Variants in SLC35D3 observed in about 807,000 individuals in gnomAD.
SLC35D3 encodes solute carrier family 35 member D3, also known as frc, fringe-like 1.
A neutral mutation model predicts 20.3 loss-of-function variants in SLC35D3; 18 were observed. That is an observed-to-expected ratio of 0.89 (90% CI 0.61 to 1.32). SLC35D3 has a LOEUF of 1.32. SLC35D3 is among the 40% of genes most tolerant of loss of function. The pLI is 0.00. For missense variants in SLC35D3, 556 were observed against 565.5 expected, an observed-to-expected ratio of 0.98 and a Z score of 0.17; for synonymous variants, 313 against 263.5, an observed-to-expected ratio of 1.19 and a Z score of -1.82.
rs1167978 is a variant in SLC35D3 at position 136,922,499 on chromosome 6, C to T, written c.71C>T (p.Ser24Phe). Residue 24 changes from serine (S) to phenylalanine (F), a missense_variant, in exon 1 of 2, where the codon TCC becomes TTC. Ser to Phe is a radical substitution (Grantham distance 155). Coordinates refer to ENST00000331858, the MANE Select transcript of SLC35D3 (RefSeq NM_001008783.3). The surrounding 1 kb of genome is among the most constrained non-coding windows in gnomAD (Gnocchi z 6.8). The part of the protein sequence containing the change: ...VAIAHGVFSG[S>F]LNILLKFLIS... Reference sequence around the variant, plus strand: ...ATCGCGCACGGGGTCTTCTCGGGCTCCCTCAACATCTTGCTCAAGTTCCTC... The same window carrying T: ...ATCGCGCACGGGGTCTTCTCGGGCTTCCTCAACATCTTGCTCAAGTTCCTC... 3 of 1,611,284 alleles carry T rather than the reference C, an allele frequency of 1.9e-6. No individual in the cohort carries two copies. The East Asian group carries it at 6.7e-5, about 36-fold the overall frequency.
chr6:136,922,459 G>A lies in SLC35D3; in HGVS notation c.31G>A (p.Gly11Ser). ...GCAGCTGTGCCGGGGCCGCGTGCTGGGCATCTCGGTGGCCATCGCGCACGG... is the reference window on the plus strand; with the variant it reads ...GCAGCTGTGCCGGGGCCGCGTGCTGAGCATCTCGGTGGCCATCGCGCACGG... MRQLCRGRVLGISVAIAHGVF... is the reference protein window; with the variant it reads MRQLCRGRVLSISVAIAHGVF... The change falls in exon 1 of 2, where the codon GGC becomes AGC. Residue 11 changes from glycine (G) to serine (S), a missense_variant. By Grantham distance (56) the Gly-to-Ser change is moderately conservative (BLOSUM62 0). Transcript: ENST00000331858. The surrounding 1 kb of genome is among the most constrained non-coding windows in gnomAD (Gnocchi z 6.8). 4 of 1,602,638 alleles carry A rather than the reference G, an allele frequency of 2.5e-6. No individual in the cohort carries two copies. The highest frequency in any genetic ancestry group is 3.4e-6 in the Non-Finnish European group (4 of 1,176,268).
rs1776112971 is a variant in SLC35D3, at chr6:136,924,826, A to G, written c.*130A>G. On this transcript the variant is annotated 3_prime_UTR_variant, in exon 2 of 2. Transcript: ENST00000331858. The stretch of plus-strand genomic sequence containing the variant: ...AAGGGAAGAAAAGAAAGAAGCTGAA[A>G]GGTACTGACACAGAGCAACAAAATT... 1 of 974,210 alleles carries G rather than the reference A, an allele frequency of 1.0e-6. No homozygotes were observed. Among genetic ancestry groups the G allele is most frequent in the Non-Finnish European group, 1.5e-6 (1 of 681,654 alleles). 60.3% of individuals were successfully genotyped at this position (974,210 alleles called of 1,614,324 possible).
chr6:136,923,851 G>C lies in SLC35D3; in HGVS notation c.440-34G>C. The C allele has an allele frequency of 6.8e-7, 1 of 1,469,152 alleles. No homozygotes were observed. The highest frequency in any genetic ancestry group is 9.0e-7 in the Non-Finnish European group (1 of 1,111,352). The allele number at this position is 1,469,152 out of a possible 1,614,324, so 91.0% of individuals were successfully genotyped here. A position where few individuals can be genotyped will look rare whatever the true frequency, so the allele number is the denominator to read the frequency against. ...GCTGTCTTCTCTCTTTTTCCTTCCC[G>C]CCCGGGCTCGGCCGTCCTCCTCGTG... On this transcript the variant is annotated intron_variant, in intron 1 of 1. Transcript: ENST00000331858. This position sits in a 1 kb window ranked among gnomAD's most constrained non-coding sequence, Gnocchi z 6.2.
In SLC35D3 at chr6:136,922,877, C is replaced by T; in HGVS notation, c.439+10C>T. 2 of 1,518,930 alleles carry T rather than the reference C, an allele frequency of 1.3e-6. No homozygotes were observed. Among genetic ancestry groups the T allele is most frequent in the Non-Finnish European group, 8.8e-7 (1 of 1,138,998 alleles). The allele number at this position is 1,518,930 out of a possible 1,614,324, so 94.1% of individuals were successfully genotyped here. On this transcript the variant is annotated intron_variant, in intron 1 of 1. Transcript: ENST00000331858. The surrounding 1 kb of genome is among the most constrained non-coding windows in gnomAD (Gnocchi z 6.8). ...GGCGCCGCCCTGGCAGGTGAGCGGGCCCCCGCGCCGACCCCCAGCCGACCC... is the reference window on the plus strand; with the variant it reads ...GGCGCCGCCCTGGCAGGTGAGCGGGTCCCCGCGCCGACCCCCAGCCGACCC...
rs749810141 is a variant in SLC35D3, at chr6:136,924,085, G to A, written c.640G>A (p.Ala214Thr). The change falls in exon 2 of 2, where the codon GCC (alanine) becomes ACC (threonine). Residue 214 changes from alanine (A) to threonine (T), a missense_variant. Physicochemically the swap from Ala to Thr is moderately conservative, Grantham distance 58. Transcript: ENST00000331858. ...CTTCGCCAGCACCGACTCCATCCACGCCTGGACCTTCCCGGGCTGGAAGGA... is the reference window on the plus strand; with the variant it reads ...CTTCGCCAGCACCGACTCCATCCACACCTGGACCTTCCCGGGCTGGAAGGA... The part of the protein sequence containing the change: ...CSFASTDSIH[A>T]WTFPGWKDPA... 3.7e-6 allele frequency: 6 copies of A among 1,612,026 alleles called. No homozygotes were observed. Among genetic ancestry groups the A allele is most frequent in the East Asian group, 2.2e-5 (1 of 44,844 alleles).
chr6:136,923,962 G>C lies in SLC35D3; in HGVS notation c.517G>C (p.Val173Leu). 1 of 1,567,952 alleles carries C rather than the reference G, an allele frequency of 6.4e-7. No homozygotes were observed. Among genetic ancestry groups the C allele is most frequent in the East Asian group, 2.4e-5 (1 of 42,478 alleles). ...GGTGCTGGTGCACGCTGCCTACCTGGTGCTCATCCAGAAGGCCAGCGCAGA... is the reference window on the plus strand; with the variant it reads ...GGTGCTGGTGCACGCTGCCTACCTGCTGCTCATCCAGAAGGCCAGCGCAGA... ...LAVLVHAAYLVLIQKASADTE... is the reference protein window; with the variant it reads ...LAVLVHAAYLLLIQKASADTE... Residue 173 changes from valine (V) to leucine (L), a missense_variant, in exon 2 of 2, where the codon GTG (valine) becomes CTG (leucine). Transcript: ENST00000331858. The surrounding 1 kb of genome is among the most constrained non-coding windows in gnomAD (Gnocchi z 6.2).
At position 136,924,588 on chromosome 6, in the gene SLC35D3, C is replaced by CAGG. The variant is rs1562766480; in HGVS notation, c.1147_1149dup (p.Arg383dup). ...TGGCTGGGAGCTCTGAAGAAGGGAG[C>CAGG]AGGAGGTCGTTAAAAGATGCTTACC... On this transcript the variant is annotated inframe_insertion, in exon 2 of 2. Transcript: ENST00000331858. 9 of 1,613,790 alleles carry CAGG rather than the reference C, an allele frequency of 5.6e-6. No individual in the cohort carries two copies. Among genetic ancestry groups the CAGG allele is most frequent in the Non-Finnish European group, 5.1e-6 (6 of 1,179,998 alleles).
Position 136,924,403 on chromosome 6 carries a change from G to C in SLC35D3, c.958G>C (p.Gly320Arg). 1 of 1,614,092 alleles carries C rather than the reference G, an allele frequency of 6.2e-7. No homozygotes were observed. The highest frequency in any genetic ancestry group is 8.5e-7 in the Non-Finnish European group (1 of 1,180,006). Residue 320 changes from glycine (G) to arginine (R), a missense_variant, in exon 2 of 2, where the codon GGA becomes CGA. Physicochemically the swap from Gly to Arg is moderately radical, Grantham distance 125. Transcript: ENST00000331858. ...NYEDLEAQPR[G>R]EEAQLSGDQL... ...CGAGGACCTGGAGGCCCAGCCTCGG[G>C]GAGAGGAGGCGCAGCTAAGTGGAGA...
Position 136,924,072 on chromosome 6 carries a change from C to A in SLC35D3, c.627C>A (p.Thr209=), listed in dbSNP as rs758135489. 14 of 1,611,362 alleles carry A rather than the reference C, an allele frequency of 8.7e-6. No homozygotes were observed. In the South Asian group the frequency reaches 1.2e-4, roughly 14 times the overall value. Residue 209 remains threonine, a synonymous_variant, in exon 2 of 2, where the codon ACC becomes ACA. Coordinates refer to ENST00000331858, the MANE Select transcript of SLC35D3 (RefSeq NM_001008783.3). ...PLLVICSFAS[T]DSIHAWTFPG... The stretch of plus-strand genomic sequence containing the variant: ...TGGTCATCTGCTCCTTCGCCAGCAC[C>A]GACTCCATCCACGCCTGGACCTTCC...
At position 136,924,038 on chromosome 6, in the gene SLC35D3, C is replaced by T; in HGVS notation, c.593C>T (p.Thr198Ile). ...CAGTACGTCATCGCCGTCTCTGCCA[C>T]CCCGCTGCTGGTCATCTGCTCCTTC... ...TAQYVIAVSA[T>I]PLLVICSFAS... is the part of the protein sequence containing the mutation. The change falls in exon 2 of 2, where the codon ACC (threonine) becomes ATC (isoleucine). Residue 198 changes from threonine to isoleucine, a missense_variant. Transcript: ENST00000331858. 6.2e-7 allele frequency: 1 copy of T among 1,606,986 alleles called. No individual in the cohort carries two copies. Among genetic ancestry groups the T allele is most frequent in the Non-Finnish European group, 8.5e-7 (1 of 1,178,518 alleles).
rs757067312 is a variant in SLC35D3 at position 136,924,049 on chromosome 6, G to C, written c.604G>C (p.Val202Leu). 6.2e-7 allele frequency: 1 copy of C among 1,609,126 alleles called. No individual in the cohort carries two copies. The highest frequency in any genetic ancestry group is 8.5e-7 in the Non-Finnish European group (1 of 1,179,016). ...CGCCGTCTCTGCCACCCCGCTGCTG[G>C]TCATCTGCTCCTTCGCCAGCACCGA... Reference protein sequence around the residue: ...VIAVSATPLLVICSFASTDSI... With the variant: ...VIAVSATPLLLICSFASTDSI... The change falls in exon 2 of 2, where the codon GTC becomes CTC. Residue 202 changes from valine (V) to leucine (L), a missense_variant. Transcript: ENST00000331858.
In SLC35D3 at chr6:136,922,425, C is replaced by T. The variant is rs1399918394; in HGVS notation, c.-4C>T. On this transcript the variant is annotated 5_prime_UTR_variant, in exon 1 of 2. Transcript: ENST00000331858. This position sits in a 1 kb window ranked among gnomAD's most constrained non-coding sequence, Gnocchi z 6.8. Reference sequence around the variant, plus strand: ...CCACCGCTGGGTGCGGCGAGGCCGGCGCGATGCGGCAGCTGTGCCGGGGCC... The same window carrying T: ...CCACCGCTGGGTGCGGCGAGGCCGGTGCGATGCGGCAGCTGTGCCGGGGCC... 1.3e-6 allele frequency: 2 copies of T among 1,539,704 alleles called. No homozygotes were observed. The highest frequency in any genetic ancestry group is 1.2e-5 in the South Asian group (1 of 82,594).
At position 136,924,160 on chromosome 6, in the gene SLC35D3, A is replaced by G. The variant is rs1357837003; in HGVS notation, c.715A>G (p.Met239Val). ...FVACILIGCA[M>V]NFTTLHCTYI... The stretch of plus-strand genomic sequence containing the variant: ...GGCCTGCATCCTGATCGGCTGCGCC[A>G]TGAACTTCACCACGCTGCACTGCAC... The change falls in exon 2 of 2, where the codon ATG becomes GTG. Residue 239 changes from methionine (M) to valine (V), a missense_variant. Physicochemically the swap from Met to Val is conservative, Grantham distance 21 (BLOSUM62 1). Transcript: ENST00000331858. The G allele has an allele frequency of 1.2e-6, 2 of 1,612,874 alleles. No homozygotes were observed. Among genetic ancestry groups the G allele is most frequent in the Non-Finnish European group, 1.7e-6 (2 of 1,180,044 alleles).
Position 136,923,855 on chromosome 6 carries a change from G to C in SLC35D3, c.440-30G>C. The C allele has an allele frequency of 6.8e-7, 1 of 1,478,676 alleles. No individual in the cohort carries two copies. The highest frequency in any genetic ancestry group is 1.3e-5 in the South Asian group (1 of 75,624). 91.6% of individuals were successfully genotyped at this position (1,478,676 alleles called of 1,614,324 possible). On this transcript the variant is annotated intron_variant, in intron 1 of 1. Coordinates refer to ENST00000331858, the MANE Select transcript of SLC35D3 (RefSeq NM_001008783.3). The surrounding 1 kb of genome is among the most constrained non-coding windows in gnomAD (Gnocchi z 6.2). ...TCTTCTCTCTTTTTCCTTCCCGCCCGGGCTCGGCCGTCCTCCTCGTGCGCC... is the reference window on the plus strand; with the variant it reads ...TCTTCTCTCTTTTTCCTTCCCGCCCCGGCTCGGCCGTCCTCCTCGTGCGCC...
Position 136,924,480 on chromosome 6 carries a change from G to T in SLC35D3, c.1035G>T (p.Arg345=). The stretch of plus-strand genomic sequence containing the variant: ...TGCCCGGGGAGGGAGGAAATGGCCG[G>T]TCAGAAGGTGGGGAGGCAGCAGGTG... ...EELPGEGGNG[R]SEGGEAAGGP... is the part of the protein sequence containing the mutation. The change falls in exon 2 of 2, where the codon CGG becomes CGT. Residue 345 remains arginine (R), a synonymous_variant. Transcript: ENST00000331858. 6.2e-7 allele frequency: 1 copy of T among 1,613,670 alleles called. No individual in the cohort carries two copies. The highest frequency in any genetic ancestry group is 8.5e-7 in the Non-Finnish European group (1 of 1,179,862).
Position 136,924,022 on chromosome 6 carries a change from A to G in SLC35D3, c.577A>G (p.Ile193Val). The G allele has an allele frequency of 6.2e-7, 1 of 1,602,832 alleles. No individual in the cohort carries two copies. Among genetic ancestry groups the G allele is most frequent in the African/African-American group, 1.3e-5 (1 of 74,732 alleles). Residue 193 changes from isoleucine (I) to valine (V), a missense_variant, in exon 2 of 2, where the codon ATC (isoleucine) becomes GTC (valine). Coordinates refer to ENST00000331858, the MANE Select transcript of SLC35D3 (RefSeq NM_001008783.3). ...EHGPLTAQYV[I>V]AVSATPLLVI... ...CGGGCCGCTCACCGCGCAGTACGTCATCGCCGTCTCTGCCACCCCGCTGCT... is the reference window on the plus strand; with the variant it reads ...CGGGCCGCTCACCGCGCAGTACGTCGTCGCCGTCTCTGCCACCCCGCTGCT...
In SLC35D3 at chr6:136,922,306, G is replaced by T; in HGVS notation, c.-123G>T. 1 of 818,872 alleles carries T rather than the reference G, an allele frequency of 1.2e-6. No homozygotes were observed. The highest frequency in any genetic ancestry group is 1.8e-5 in the African/African-American group (1 of 55,150). 50.7% of individuals were successfully genotyped at this position (818,872 alleles called of 1,614,324 possible). A position where few individuals can be genotyped will look rare whatever the true frequency, so the allele number is the denominator to read the frequency against. ...GGAGCTGCCCTCTGCAGCCGAGCCG[G>T]CGCCCCCTGCCCTTCGCCGCCGCGC... On this transcript the variant is annotated 5_prime_UTR_variant, in exon 1 of 2. Transcript: ENST00000331858. The surrounding 1 kb of genome is among the most constrained non-coding windows in gnomAD (Gnocchi z 6.8).
rs1776089507 is a variant in SLC35D3, at chr6:136,923,490, C to A, written c.440-395C>A. Among the ~76,000 whole-genome samples the A allele has an allele frequency of 6.6e-6, 1 of 152,188 alleles. No homozygotes were observed. Among genetic ancestry groups the A allele is most frequent in the Admixed American group, 6.5e-5 (1 of 15,292 alleles). On this transcript the variant is annotated intron_variant, in intron 1 of 1. Coordinates refer to ENST00000331858, the MANE Select transcript of SLC35D3 (RefSeq NM_001008783.3). The surrounding 1 kb of genome is among the most constrained non-coding windows in gnomAD (Gnocchi z 6.2). ...GGGTTGCAGGCCACTGGCTGGGGCT[C>A]CCTCTCCCTTTGGTGCCCCACGGGG...
Position 136,922,806 on chromosome 6 carries a change from C to A in SLC35D3, c.378C>A (p.Gly126=). Residue 126 remains glycine, a synonymous_variant, in exon 1 of 2, where the codon GGC becomes GGA. Transcript: ENST00000331858. The surrounding 1 kb of genome is among the most constrained non-coding windows in gnomAD (Gnocchi z 6.8). ...MLIGVLVLKN[G]APSPGVLAAV... ...TCGGCGTCCTGGTGCTCAAGAACGGCGCGCCCTCGCCAGGGGTGCTGGCGG... is the reference window on the plus strand; with the variant it reads ...TCGGCGTCCTGGTGCTCAAGAACGGAGCGCCCTCGCCAGGGGTGCTGGCGG... 1 of 1,561,084 alleles carries A rather than the reference C, an allele frequency of 6.4e-7. No individual in the cohort carries two copies. The highest frequency in any genetic ancestry group is 1.2e-5 in the South Asian group (1 of 84,946).
Sources: allele counts gnomAD v4.1 joint callset (sites outside exome capture counted in the v4.1 genomes callset), GRCh38; gene constraint gnomAD v4.1.1; non-coding constraint Gnocchi (gnomAD v3.1); transcripts MANE v1.5; gene names NCBI Gene and HGNC (gene_info 2026-07-23, HGNC 2026-07-21).